MYOF: variants seen among roughly 807,000 people sequenced by gnomAD.
MYOF encodes the protein myoferlin.
In MYOF, 244 loss-of-function variants were observed where a neutral mutation model predicts 284.2. That is an observed-to-expected ratio of 0.86 (90% CI 0.77 to 0.95). The LOEUF (loss-of-function observed/expected upper bound fraction) is 0.95, where lower values mean the gene tolerates loss of function less well. Among genes scored for constraint, MYOF ranks in the 40% least tolerant of loss-of-function variants. The pLI, the probability that MYOF is intolerant of heterozygous loss-of-function variation, is 0.00. For synonymous variants in MYOF, 904 were observed against 919.7 expected (o/e 0.98, Z 0.31); for missense variants, 2,496 against 2,560.6 (o/e 0.97, Z 0.54).
chr10:93,329,558 G>C, intron 44 of MYOF, 106 bp downstream of exon 44: 1 of 1,087,854 alleles, frequency 9.2e-7, no homozygotes, highest in Admixed American at 2.4e-5. Flanking sequence ...TGAGTGATAG[G>C]AGCAGTGGCT....
In MYOF at chr10:93,381,255, C is replaced by T. The variant is rs778793669; in HGVS notation, c.1840G>A (p.Ala614Thr). 2 of 1,614,168 alleles carry T rather than the reference C, an allele frequency of 1.2e-6. No individual in the cohort carries two copies. The highest frequency in any genetic ancestry group is 2.2e-5 in the South Asian group (2 of 91,086). ...NKFDTTCKPL[A>T]STTQYSRAVF... ...GCACGGCTGTACTGAGTTGTTGATG[C>T]CAAAGGCTTACAGGTGGTGTCAAAC... Residue 614 changes from alanine (A) to threonine (T), a missense_variant, in exon 20 of 54, where the codon GCA becomes ACA. This residue lies in a region of MYOF where 2,436 missense variants were observed against 2,480.7 expected (regional missense o/e 0.98). Coordinates refer to ENST00000359263, the MANE Select transcript of MYOF (RefSeq NM_013451.4).
At position 93,392,928 on chromosome 10, in the gene MYOF, G is replaced by A. The variant is rs1846771188; in HGVS notation, c.1445C>T (p.Ala482Val). The A allele has an allele frequency of 1.9e-6, 3 of 1,612,216 alleles. No homozygotes were observed. The South Asian group carries it at 3.3e-5, about 18-fold the overall frequency. The change falls in exon 17 of 54, where the codon GCA (alanine) becomes GTA (valine). Residue 482 changes from alanine (A) to valine (V), a missense_variant. Coordinates refer to ENST00000359263, the MANE Select transcript of MYOF (RefSeq NM_013451.4). ...EDFSSSGTGA[A>V]SYTVNTGETE... is the part of the protein sequence containing the mutation. ...TACGAAGCATAAACCTGTATATGAT[G>A]CAGCCCCAGTTCCCGAAGATGAGAA...
chr10:93,321,704 T>A (rs567147109), intron 48 of MYOF, among the ~76,000 whole-genome samples: 1 of 152,052 alleles, frequency 6.6e-6, no homozygotes, highest in African/African-American at 2.4e-5. Flanking sequence ...CTCTCTTTTT[T>A]TGGTGAATTT....
chr10:93,361,740 A>C (rs1332166923), intron 27 of MYOF, among the ~76,000 whole-genome samples, 183 bp from the exon 28 acceptor site: 1 of 152,242 alleles, frequency 6.6e-6, no homozygotes, highest in Non-Finnish European at 1.5e-5. Flanking sequence ...CTAAATAAAA[A>C]TTAGTTTAAA....
At chr10:93,323,699 GCACA>G (rs146879928) in intron 46 of MYOF, 8 of 278,086 alleles carry the variant, frequency 2.9e-5, no homozygotes, top group South Asian at 1.5e-4. Context: ...ACACGCACGT[GCACA>G]CACACACACA....
chr10:93,424,181 A>T (rs1848481834), intron 5 of MYOF, among the ~76,000 whole-genome samples: 1 of 152,202 alleles, frequency 6.6e-6, no homozygotes, highest in African/African-American at 2.4e-5. Context: ...CAGACCTAGG[A>T]AACTAATAAA....
chr10:93,381,388 C>T lies in MYOF; in HGVS notation c.1707G>A (p.Gln569=). 3 of 1,614,146 alleles carry T rather than the reference C, an allele frequency of 1.9e-6. No individual in the cohort carries two copies. The highest frequency in any genetic ancestry group is 2.5e-6 in the Non-Finnish European group (3 of 1,180,000). ...NDDLLVVEKY[Q]RRRKYSLSAV... ...CAGACAGGCTGTACTTCCGCCTTCG[C>T]TGGTATTTCTATAAAGTATGAGCAG... Residue 569 remains glutamine (Q), a synonymous_variant, in exon 20 of 54, where the codon CAG becomes CAA. Coordinates refer to ENST00000359263, the MANE Select transcript of MYOF (RefSeq NM_013451.4).
At chr10:93,452,385 G>A (rs1216625678) in intron 2 of MYOF, among the ~76,000 whole-genome samples, 1 of 152,050 alleles carries the variant, frequency 6.6e-6, no homozygotes. Context: ...AGGTTCTGTG[G>A]CTTCAACCAG....
At position 93,372,958 on chromosome 10, in the gene MYOF, CA is replaced by C; in HGVS notation, c.2428del (p.Cys810ValfsTer9). 6.2e-7 allele frequency: 1 copy of C among 1,614,214 alleles called. No individual in the cohort carries two copies. The highest frequency in any genetic ancestry group is 8.5e-7 in the Non-Finnish European group (1 of 1,180,028). ...TSGENASGKY[C>X]GKTQTIFLKY... The stretch of plus-strand genomic sequence containing the variant: ...CAGAAAGATGGTTTGGGTTTTCCCA[CA>C]GTATTTTCCAGATGCATTCTCACCA... On this transcript the variant is annotated frameshift_variant, in exon 24 of 54. Coordinates refer to ENST00000359263, the MANE Select transcript of MYOF (RefSeq NM_013451.4). LOFTEE classifies it high-confidence loss of function.
chr10:93,428,871 C>G (rs1848713548), intron 4 of MYOF, among the ~76,000 whole-genome samples: 1 of 152,144 alleles, frequency 6.6e-6, no homozygotes, highest in Non-Finnish European at 1.5e-5. Context: ...GACAACCACC[C>G]CCTTGATCTG....
intron 43 of MYOF, among the ~76,000 whole-genome samples, chr10:93,330,755 G>C (rs1165928961): frequency 6.6e-6 from 1 of 152,208 alleles, no homozygotes; most frequent in Admixed American, 6.5e-5. Context: ...GAAGCTGTGA[G>C]AGGCCTCCTC....
intron 21 of MYOF, 63 bp from the exon 22 acceptor site, chr10:93,377,492 A>G: frequency 8.5e-7 from 1 of 1,172,042 alleles, no homozygotes; most frequent in East Asian, 2.4e-5. Flanking sequence ...ATACCTTTTC[A>G]TATAGTTTAA....
In MYOF at chr10:93,325,959, T is replaced by C. The variant is rs763085955; in HGVS notation, c.5138A>G (p.Asn1713Ser). The change falls in exon 46 of 54, where the codon AAC (asparagine) becomes AGC (serine). Residue 1713 changes from asparagine (N) to serine (S), a missense_variant. Asn to Ser is a conservative substitution (Grantham distance 46). This residue lies in a region of MYOF where 2,436 missense variants were observed against 2,480.7 expected (regional missense o/e 0.98). Coordinates refer to ENST00000359263, the MANE Select transcript of MYOF (RefSeq NM_013451.4). ...CCCGAGGTGCTGGTGCAGGATTTTG[T>C]TGGCTTCTGCAATGGAAAGCAGCAT... ...RDYSLDEFEA[N>S]KILHQHLGAP... 2.5e-6 allele frequency: 4 copies of C among 1,614,052 alleles called. No homozygotes were observed. The highest frequency in any genetic ancestry group is 1.7e-5 in the Admixed American group (1 of 60,016).
chr10:93,438,051 G>C (rs1375042008), intron 3 of MYOF, among the ~76,000 whole-genome samples: 2 of 152,140 alleles, frequency 1.3e-5, no homozygotes, highest in Non-Finnish European at 2.9e-5. Flanking sequence ...CCATCCGTGA[G>C]ATCTGATCAC....
At chr10:93,381,496 CT>C (rs1564667661) in intron 19 of MYOF, 100 bp from the exon 20 acceptor site, 2 of 1,217,770 alleles carry the variant, frequency 1.6e-6, no homozygotes, top group Non-Finnish European at 2.3e-6. Flanking sequence ...ATAATTAGTG[CT>C]GAATTAAATG....
intron 16 of MYOF, 25 bp downstream of exon 16, chr10:93,396,117 G>A (rs1174925007): frequency 1.3e-6 from 2 of 1,560,926 alleles, no homozygotes; most frequent in African/African-American, 2.7e-5. Flanking sequence ...ATCCAGTCTT[G>A]TTCTAGATCT....
At chr10:93,455,098 T>C (rs1407633682) in intron 2 of MYOF, among the ~76,000 whole-genome samples, 1 of 149,384 alleles carries the variant, frequency 6.7e-6, no homozygotes, top group Non-Finnish European at 1.5e-5. Context: ...GAGACCAGCC[T>C]GATCAACATG....
chr10:93,431,729 T>C (rs1029460670), intron 3 of MYOF, among the ~76,000 whole-genome samples: 4 of 150,848 alleles, frequency 2.7e-5, no homozygotes, highest in Admixed American at 6.6e-5. Context: ...CTGGTGCCTA[T>C]GAAATTTCTT....
At chr10:93,371,329 GA>G (rs1845578178) in intron 24 of MYOF, among the ~76,000 whole-genome samples, 1 of 152,156 alleles carries the variant, frequency 6.6e-6, no homozygotes, top group Non-Finnish European at 1.5e-5. Flanking sequence ...ATAATTATCT[GA>G]AAAGGTTATT....
Sources: allele counts gnomAD v4.1 joint callset (sites outside exome capture counted in the v4.1 genomes callset), GRCh38; gene constraint gnomAD v4.1.1; regional missense constraint gnomAD v4.1.1; transcripts MANE v1.5; gene names NCBI Gene and HGNC (gene_info 2026-07-23, HGNC 2026-07-21).